Variants in MECOM observed in about 807,000 individuals in gnomAD.
MECOM encodes the protein MDS1 and EVI1 complex locus.
A neutral mutation model predicts 116.3 loss-of-function variants in MECOM; 13 were observed. The ratio of observed to expected loss-of-function variants is 0.11; its 90% confidence interval spans 0.07 to 0.18. The LOEUF (loss-of-function observed/expected upper bound fraction) is 0.18. Among genes scored for constraint, MECOM ranks in the 10% least tolerant of loss-of-function variants. MECOM has a pLI of 1.00. For missense variants in MECOM, 1,299 were observed against 1,509.0 expected, an observed-to-expected ratio of 0.86 and a Z score of 2.31; for synonymous variants, 528 against 535.2, an observed-to-expected ratio of 0.99 and a Z score of 0.19.
At chr3:169,567,120 A>T (rs1350018161) in intron 1 of MECOM, among the ~76,000 whole-genome samples, 1 of 151,554 alleles carries the variant, frequency 6.6e-6, no homozygotes. Flanking sequence ...TCAGAAGTGG[A>T]CAATCAGGAG....
intron 1 of MECOM, among the ~76,000 whole-genome samples, chr3:169,427,450 C>A (rs1414313619): frequency 6.6e-6 from 1 of 152,000 alleles, no homozygotes; most frequent in Admixed American, 6.6e-5. Context: ...TAAAAGGAAA[C>A]CTCTTCAGCT....
rs909821114 is a variant in MECOM at position 169,436,214 on chromosome 3, C to CA, written c.38-54691dup. Among the ~76,000 whole-genome samples the CA allele has an allele frequency of 9.2e-4, 101 of 110,106 alleles. 1 individual carries two copies. Among genetic ancestry groups the CA allele is most frequent in the East Asian group, 4.3e-3 (17 of 3,986 alleles). 72.2% of individuals were successfully genotyped at this position (110,106 alleles called of 152,430 possible). The stretch of plus-strand genomic sequence containing the variant: ...TGCAATTGGTTCTGAGTCTATGACG[C>CA]AAAAAAAAAAGGGAAATTCTGGCTA... On this transcript the variant is annotated intron_variant, in intron 1 of 16. Transcript: ENST00000651503.
intron 1 of MECOM, among the ~76,000 whole-genome samples, chr3:169,602,265 G>A (rs1275210754): frequency 6.6e-6 from 1 of 152,202 alleles, no homozygotes; most frequent in Non-Finnish European, 1.5e-5. Flanking sequence ...TTAGAGAGAT[G>A]TTCTCTATTC....
intron 2 of MECOM, among the ~76,000 whole-genome samples, chr3:169,166,725 C>CAA (rs1743653068): frequency 6.6e-6 from 1 of 152,078 alleles, no homozygotes; most frequent in African/African-American, 2.4e-5. Flanking sequence ...CATTTGCATG[C>CAA]ACTAAATATG....
At chr3:169,555,206 T>G (rs1178653239) in intron 1 of MECOM, among the ~76,000 whole-genome samples, 1 of 152,256 alleles carries the variant, frequency 6.6e-6, no homozygotes, top group Non-Finnish European at 1.5e-5. Flanking sequence ...CCTTCCTTCA[T>G]GTCTTCATTC....
intron 1 of MECOM, among the ~76,000 whole-genome samples, chr3:169,391,501 A>G (rs1198879215): frequency 6.6e-6 from 1 of 152,202 alleles, no homozygotes; most frequent in East Asian, 1.9e-4. Flanking sequence ...ACCACATCAT[A>G]TTAAATGTAA....
intron 1 of MECOM, among the ~76,000 whole-genome samples, chr3:169,561,590 A>T (rs557472152): frequency 6.6e-5 from 10 of 152,298 alleles, no homozygotes; most frequent in African/African-American, 2.2e-4. Context: ...TATGCATGGG[A>T]TAGCTAAACA....
chr3:169,622,628 T>C (rs1770891816), intron 1 of MECOM, among the ~76,000 whole-genome samples: 1 of 152,238 alleles, frequency 6.6e-6, no homozygotes, highest in Non-Finnish European at 1.5e-5. Flanking sequence ...CACCTATTCC[T>C]GAGACACTTT....
intron 1 of MECOM, among the ~76,000 whole-genome samples, chr3:169,568,420 G>T (rs910430721): frequency 6.6e-6 from 1 of 151,766 alleles, no homozygotes; most frequent in Non-Finnish European, 1.5e-5. Context: ...AAGTGGTCTG[G>T]CTCAGCAGAT....
chr3:169,551,203 T>C (rs1363008772), intron 1 of MECOM, among the ~76,000 whole-genome samples: 1 of 152,190 alleles, frequency 6.6e-6, no homozygotes, highest in African/African-American at 2.4e-5. Context: ...AGTCTCTTGA[T>C]CCTGTATATC....
At chr3:169,346,537 T>C (rs1725381591) in intron 2 of MECOM, among the ~76,000 whole-genome samples, 1 of 152,032 alleles carries the variant, frequency 6.6e-6, no homozygotes, top group African/African-American at 2.4e-5. Context: ...AGCTGAATTC[T>C]AGTCCTGCCT....
intron 1 of MECOM, among the ~76,000 whole-genome samples, chr3:169,421,648 TG>T (rs1291495259): frequency 6.6e-6 from 1 of 151,970 alleles, no homozygotes; most frequent in Non-Finnish European, 1.5e-5. Context: ...TCATTTTCTG[TG>T]GTTGGCAAAC....
chr3:169,191,717 AAAAAAAGAAAGAAAGAAAGAAAG>A (rs1195438323), intron 2 of MECOM, among the ~76,000 whole-genome samples: 20 of 26,692 alleles, frequency 7.5e-4, no homozygotes, highest in Non-Finnish European at 1.7e-3. Flanking sequence ...AGAAAGAAAG[AAAAAAAGAAAGAAAGAAAGAAAG>A]AGAAAGAAAG....
intron 2 of MECOM, among the ~76,000 whole-genome samples, chr3:169,210,171 G>T (rs572040057): frequency 6.3e-4 from 96 of 152,112 alleles, no homozygotes; most frequent in Non-Finnish European, 1.0e-3. Context: ...AACACACACT[G>T]GGGCCAGTCG....
At chr3:169,246,874 G>T (rs1755649767) in intron 2 of MECOM, among the ~76,000 whole-genome samples, 1 of 152,068 alleles carries the variant, frequency 6.6e-6, no homozygotes, top group South Asian at 2.1e-4. Flanking sequence ...CCTTATGTCT[G>T]CTGTTCTTTG....
At chr3:169,545,040 A>T (rs1012781869) in intron 1 of MECOM, among the ~76,000 whole-genome samples, 7 of 152,124 alleles carry the variant, frequency 4.6e-5, no homozygotes, top group African/African-American at 1.4e-4. Flanking sequence ...AGTAAAATTT[A>T]AAAAAAATTT....
chr3:169,517,125 A>T (rs1756728934), intron 1 of MECOM, among the ~76,000 whole-genome samples: 1 of 152,190 alleles, frequency 6.6e-6, no homozygotes, highest in African/African-American at 2.4e-5. Flanking sequence ...CAACAACAAC[A>T]ACAAAAAGCA....
chr3:169,454,316 G>A (rs971790423), intron 1 of MECOM, among the ~76,000 whole-genome samples: 1 of 149,822 alleles, frequency 6.7e-6, no homozygotes, highest in African/African-American at 2.5e-5. Context: ...TTAAGGTTTG[G>A]AGGATTTTTT....
At chr3:169,661,664 G>A (rs1484035978) in intron 1 of MECOM, among the ~76,000 whole-genome samples, 4 of 152,180 alleles carry the variant, frequency 2.6e-5, no homozygotes, top group African/African-American at 9.7e-5. Flanking sequence ...GGGCTACACC[G>A]CCGACTCCAA....
Sources: gnomAD v4.1 joint callset for allele counts (sites outside exome capture counted in the v4.1 genomes callset) on GRCh38, gnomAD v4.1.1 for gene constraint, MANE v1.5 for transcripts, NCBI Gene and HGNC (gene_info 2026-07-23, HGNC 2026-07-21) for gene names.